The following SCFD2 variants were observed in gnomAD, a reference collection of about 807,000 sequenced individuals.
SCFD2 encodes sec1 family domain containing 2.
SCFD2 carries 54 observed loss-of-function variants against 58.9 expected under a neutral mutation model. The ratio of observed to expected loss-of-function variants is 0.92; its 90% CI spans 0.74 to 1.15. SCFD2 has a LOEUF of 1.15. Among genes scored for constraint, SCFD2 ranks in the 50% most tolerant of loss-of-function variants. The pLI is 0.00. For missense variants in SCFD2, 805 were observed against 836.6 expected (o/e 0.96, Z 0.47); for synonymous variants, 321 against 335.9 (o/e 0.96, Z 0.49).
chr4:52,955,072 C>A (rs1226967723), intron 5 of SCFD2, among the ~76,000 whole-genome samples: 2 of 152,204 alleles, frequency 1.3e-5, no homozygotes, highest in African/African-American at 4.8e-5. Flanking sequence ...CACCTTCGAG[C>A]TTCACCTTTG....
At chr4:53,106,561 C>G (rs1016977780) in intron 5 of SCFD2, among the ~76,000 whole-genome samples, 1 of 151,996 alleles carries the variant, frequency 6.6e-6, no homozygotes, top group Non-Finnish European at 1.5e-5. Context: ...CAGAGAACTT[C>G]GTGAAGCATA....
intron 4 of SCFD2, among the ~76,000 whole-genome samples, chr4:53,242,526 A>T (rs1329435569): frequency 6.6e-6 from 1 of 152,194 alleles, no homozygotes; most frequent in East Asian, 1.9e-4. Flanking sequence ...GCCCACAAAG[A>T]TGAGAAAGAA....
chr4:53,135,510 C>T (rs767550591), intron 5 of SCFD2, among the ~76,000 whole-genome samples: 7 of 152,088 alleles, frequency 4.6e-5, no homozygotes, highest in South Asian at 2.1e-4. Context: ...CCGAGGTGGG[C>T]GGATCACAAG....
chr4:53,229,641 C>A (rs887187061), intron 4 of SCFD2, among the ~76,000 whole-genome samples: 3 of 152,216 alleles, frequency 2.0e-5, no homozygotes, highest in East Asian at 1.9e-4. Flanking sequence ...TAAAGACTTA[C>A]ATGTTAGACC....
At chr4:53,091,493 T>C (rs762457737) in intron 5 of SCFD2, among the ~76,000 whole-genome samples, 3 of 152,110 alleles carry the variant, frequency 2.0e-5, no homozygotes, top group Non-Finnish European at 4.4e-5. Context: ...TCTCTGATGA[T>C]TTTCCAGTAA....
intron 7 of SCFD2, among the ~76,000 whole-genome samples, chr4:52,905,862 G>A (rs1366209288): frequency 6.6e-6 from 1 of 152,168 alleles, no homozygotes; most frequent in Admixed American, 6.5e-5. Flanking sequence ...ATCAAACAGT[G>A]ACAGAAAATG....
At chr4:52,908,297 C>T (rs1005667033) in intron 6 of SCFD2, among the ~76,000 whole-genome samples, 2 of 152,192 alleles carry the variant, frequency 1.3e-5, no homozygotes, top group African/African-American at 4.8e-5. Flanking sequence ...ATATGGGGAG[C>T]CAGCCGCCTT....
At chr4:52,902,813 G>A (rs1719237840) in intron 7 of SCFD2, among the ~76,000 whole-genome samples, 1 of 152,178 alleles carries the variant, frequency 6.6e-6, no homozygotes, top group African/African-American at 2.4e-5. Context: ...AAACGGTGGA[G>A]CTTGGGTTCT....
intron 5 of SCFD2, among the ~76,000 whole-genome samples, chr4:53,104,954 G>C (rs1300087949): frequency 1.3e-5 from 2 of 152,132 alleles, no homozygotes; most frequent in African/African-American, 4.8e-5. Context: ...AACACAAAAG[G>C]AAGGTGATTT....
chr4:53,076,234 T>C (rs914837292), intron 5 of SCFD2, among the ~76,000 whole-genome samples: 14 of 152,272 alleles, frequency 9.2e-5, no homozygotes, highest in South Asian at 2.1e-4. Context: ...TTTTGGTCTT[T>C]TCTAAAGAAA....
intron 2 of SCFD2, among the ~76,000 whole-genome samples, chr4:53,348,447 G>C (rs1734122034): frequency 6.6e-6 from 1 of 152,150 alleles, no homozygotes; most frequent in Non-Finnish European, 1.5e-5. Context: ...CATATAAATT[G>C]TGCTAGGAAA....
At chr4:53,086,883 G>T (rs1185800941) in intron 5 of SCFD2, among the ~76,000 whole-genome samples, 1 of 152,122 alleles carries the variant, frequency 6.6e-6, no homozygotes, top group Non-Finnish European at 1.5e-5. Context: ...CAGAGGCTGG[G>T]AAGGGCAATG....
At chr4:53,029,858 A>G (rs747836304) in intron 5 of SCFD2, among the ~76,000 whole-genome samples, 1 of 152,240 alleles carries the variant, frequency 6.6e-6, no homozygotes, top group Non-Finnish European at 1.5e-5. Flanking sequence ...ATTTAAAGGT[A>G]AAATTATAAA....
chr4:53,303,663 T>A (rs1732412296), intron 3 of SCFD2, among the ~76,000 whole-genome samples: 1 of 152,086 alleles, frequency 6.6e-6, no homozygotes, highest in African/African-American at 2.4e-5. Flanking sequence ...GTATGTTTAT[T>A]GTGGCATTAT....
At chr4:53,177,733 C>G (rs535320574) in intron 4 of SCFD2, among the ~76,000 whole-genome samples, 2 of 152,284 alleles carry the variant, frequency 1.3e-5, no homozygotes, top group East Asian at 3.9e-4. Flanking sequence ...CGAAAGGGGT[C>G]AGGGAATTCC....
intron 6 of SCFD2, among the ~76,000 whole-genome samples, chr4:52,910,183 G>A (rs1310842206): frequency 6.6e-6 from 1 of 152,250 alleles, no homozygotes; most frequent in Non-Finnish European, 1.5e-5. Flanking sequence ...TTTGGGCAAT[G>A]AGATGTAAAT....
At chr4:53,345,996 C>T (rs775137352) in intron 2 of SCFD2, among the ~76,000 whole-genome samples, 2 of 151,974 alleles carry the variant, frequency 1.3e-5, no homozygotes, top group Non-Finnish European at 1.5e-5. Context: ...AAATACCTAA[C>T]GTAAATGACG....
chr4:53,006,515 G>A (rs1721974252), intron 5 of SCFD2, among the ~76,000 whole-genome samples: 1 of 152,198 alleles, frequency 6.6e-6, no homozygotes, highest in South Asian at 2.1e-4. Flanking sequence ...ATAAACTCCA[G>A]TCCAAGAATA....
Position 53,256,141 on chromosome 4 carries a change from G to A in SCFD2, c.1311+17685C>T, listed in dbSNP as rs562276389. Among the ~76,000 whole-genome samples the A allele has an allele frequency of 1.6e-4, 24 of 151,576 alleles. No individual in the cohort carries two copies. The East Asian group carries it at 2.2e-3, about 14-fold the overall frequency. The stretch of plus-strand genomic sequence containing the variant: ...TCACTTCCCAGACGGGGTGGCTGCC[G>A]GACGGAGGGGCTCCTCACTTCTCAG... On this transcript the variant is annotated intron_variant, in intron 4 of 8. Transcript: ENST00000401642.
Sources: allele counts gnomAD v4.1 joint callset (sites outside exome capture counted in the v4.1 genomes callset), GRCh38; gene constraint gnomAD v4.1.1; transcripts MANE v1.5; gene names NCBI Gene and HGNC (gene_info 2026-07-23, HGNC 2026-07-21).